Variants in RTTN observed in about 807,000 individuals in gnomAD.
RTTN encodes the protein rotatin.
RTTN carries 182 observed loss-of-function variants against 269.2 expected under a neutral mutation model. The observed-to-expected ratio is 0.68, with a 90% CI of 0.60 to 0.76. The LOEUF (loss-of-function observed/expected upper bound fraction) is 0.76. Ranked by LOEUF, RTTN falls within the 30% of genes least tolerant of loss-of-function variation. The pLI is 0.00. For synonymous variants in RTTN, 1,006 were observed against 963.5 expected, an observed-to-expected ratio of 1.04 and a Z score of -0.82; for missense variants, 2,545 against 2,608.6, an observed-to-expected ratio of 0.98 and a Z score of 0.53.
intron 21 of RTTN, chr18:70,138,459 A>T (rs1308335975): frequency 6.6e-6 from 1 of 152,190 alleles, no homozygotes; most frequent in Non-Finnish European, 1.5e-5. Flanking sequence ...TGAATCCAGT[A>T]GGTGTTCATA....
chr18:70,151,276 G>C (rs2060531690), intron 14 of RTTN, among the ~76,000 whole-genome samples: 1 of 149,206 alleles, frequency 6.7e-6, no homozygotes, highest in Non-Finnish European at 1.5e-5. Flanking sequence ...ATTATATAAA[G>C]TTATCATCAA....
intron 44 of RTTN, among the ~76,000 whole-genome samples, chr18:70,023,256 T>C (rs2056758130): frequency 1.3e-5 from 2 of 152,154 alleles, no homozygotes; most frequent in South Asian, 4.2e-4. Context: ...CACGCCCAGA[T>C]TCCTGAGCCA....
At chr18:70,203,204 C>T (rs903626100) in intron 3 of RTTN, among the ~76,000 whole-genome samples, 2 of 145,642 alleles carry the variant, frequency 1.4e-5, no homozygotes, top group African/African-American at 2.5e-5. Context: ...AGAAAGTGTT[C>T]TTTTTTTTTT....
intron 39 of RTTN, among the ~76,000 whole-genome samples, chr18:70,050,053 AC>A (rs2057613386): frequency 6.6e-6 from 1 of 152,096 alleles, no homozygotes. Flanking sequence ...CCTTTATAAA[AC>A]CACAGGCTTA....
chr18:70,166,129 T>C lies in RTTN; in HGVS notation c.1862A>G (p.His621Arg), dbSNP rs1273174742. The change falls in exon 14 of 49, where the codon CAT (histidine) becomes CGT (arginine). Residue 621 changes from histidine to arginine, a missense_variant. Coordinates refer to ENST00000640769, the MANE Select transcript of RTTN (RefSeq NM_173630.4). ...TCGTGGCAATGGGTGAGACAACATA[T>C]GGAGAAGCACCTTCTGACTTTCTCC... ...LQGESQKVLL[H>R]MLSHPLPRVK... 1 of 1,613,642 alleles carries C rather than the reference T, an allele frequency of 6.2e-7. No homozygotes were observed.
At chr18:70,017,169 T>C (rs2145499592) in intron 46 of RTTN, among the ~76,000 whole-genome samples, 1 of 152,222 alleles carries the variant, frequency 6.6e-6, no homozygotes, top group African/African-American at 2.4e-5. Flanking sequence ...ACGGCTCCCC[T>C]TCCTCCAGGT....
intron 11 of RTTN, among the ~76,000 whole-genome samples, chr18:70,176,248 T>G (rs1026017797): frequency 7.2e-6 from 1 of 139,654 alleles, no homozygotes; most frequent in Non-Finnish European, 1.5e-5. Flanking sequence ...TGTATATGTA[T>G]ATGTATATGT....
intron 43 of RTTN, 133 bp from the exon 44 acceptor site, chr18:70,024,981 C>T (rs2056813060): frequency 3.0e-6 from 3 of 992,150 alleles, no homozygotes; most frequent in South Asian, 3.6e-5. Flanking sequence ...CATCCTGCCC[C>T]AGCCCCATTG....
At chr18:70,086,563 C>T (rs759195653) in intron 32 of RTTN, 50 bp downstream of exon 32, 8 of 1,343,478 alleles carry the variant, frequency 6.0e-6, no homozygotes, top group Non-Finnish European at 8.4e-6. Context: ...AATTTATCAC[C>T]AATTAATTTG....
At chr18:70,025,547 A>G (rs1599152649) in intron 43 of RTTN, among the ~76,000 whole-genome samples, 2 of 152,222 alleles carry the variant, frequency 1.3e-5, no homozygotes, top group Admixed American at 1.3e-4. Context: ...TTCACATAGC[A>G]TCAAGTGGCA....
At chr18:70,154,148 A>C (rs2060612801) in intron 14 of RTTN, among the ~76,000 whole-genome samples, 1 of 152,168 alleles carries the variant, frequency 6.6e-6, no homozygotes, top group African/African-American at 2.4e-5. Flanking sequence ...TTTCAAAATT[A>C]CTAAAATTCA....
chr18:70,037,687 G>C (rs1208327707), intron 40 of RTTN, among the ~76,000 whole-genome samples: 1 of 152,164 alleles, frequency 6.6e-6, no homozygotes, highest in Admixed American at 6.5e-5. Context: ...ATTCGCAGCT[G>C]TGGTGGCTAC....
intron 32 of RTTN, among the ~76,000 whole-genome samples, chr18:70,081,551 T>C (rs2058569005): frequency 1.3e-5 from 2 of 152,142 alleles, no homozygotes; most frequent in Admixed American, 6.6e-5. Context: ...CCATCACTTC[T>C]ATGGTTTTTC....
At chr18:70,118,793 G>A (rs10469163) in intron 26 of RTTN, among the ~76,000 whole-genome samples, 2,478 of 151,922 alleles carry the variant, frequency 0.016, 64 homozygotes, top group African/African-American at 0.057. Flanking sequence ...ACACAAATGC[G>A]TAAATGTGAT....
rs373649157 is a variant in RTTN at position 70,080,713 on chromosome 18, A to G, written c.4375-5172T>C. Among the ~76,000 whole-genome samples the G allele has an allele frequency of 4.6e-5, 7 of 152,296 alleles. No homozygotes were observed. In the East Asian group the frequency reaches 9.6e-4, roughly 21 times the overall value. On this transcript the variant is annotated intron_variant, in intron 32 of 48. Transcript: ENST00000640769. ...TCATGAATGGAATTTAAAACTAGGA[A>G]AACAGTGTGGAGATTTCTTAAAGAA...
At chr18:70,023,544 T>C (rs1250703294) in intron 44 of RTTN, among the ~76,000 whole-genome samples, 1 of 152,184 alleles carries the variant, frequency 6.6e-6, no homozygotes, top group Non-Finnish European at 1.5e-5. Flanking sequence ...ATGGCACTAC[T>C]GTGCACTCAG....
chr18:70,106,594 A>T (rs2059327159), intron 28 of RTTN, among the ~76,000 whole-genome samples: 1 of 152,160 alleles, frequency 6.6e-6, no homozygotes, highest in Non-Finnish European at 1.5e-5. Flanking sequence ...GTGCATTTTT[A>T]TTTTGGAAAA....
intron 28 of RTTN, among the ~76,000 whole-genome samples, chr18:70,099,421 G>C (rs1437311724): frequency 6.6e-6 from 1 of 152,080 alleles, no homozygotes; most frequent in East Asian, 1.9e-4. Context: ...CCCACTTTTT[G>C]ATGGAGTTGT....
chr18:70,103,088 G>A (rs1050024818), intron 28 of RTTN, among the ~76,000 whole-genome samples: 15 of 150,788 alleles, frequency 9.9e-5, no homozygotes, highest in South Asian at 2.1e-4. Flanking sequence ...CGGCTGCCCC[G>A]TCTGGGATGT....
Sources: allele counts gnomAD v4.1 joint callset (sites outside exome capture counted in the v4.1 genomes callset), GRCh38; gene constraint gnomAD v4.1.1; transcripts MANE v1.5; gene names NCBI Gene and HGNC (gene_info 2026-07-23, HGNC 2026-07-21).